TMTC2: variants seen among roughly 807,000 people sequenced by gnomAD.
TMTC2 encodes transmembrane O-mannosyltransferase targeting cadherins 2, also known as protein O-mannosyl-transferase TMTC2.
A neutral mutation model predicts 82.4 loss-of-function variants in TMTC2; 43 were observed. That is an observed-to-expected ratio of 0.52 (90% CI 0.41 to 0.67). The LOEUF is 0.67. Ranked by LOEUF, TMTC2 falls within the 30% of genes least tolerant of loss-of-function variation. The probability of loss-of-function intolerance (pLI) is 0.00; values close to 1 mark genes in which losing one functional copy is unlikely to be tolerated. For synonymous variants in TMTC2, 408 were observed against 381.9 expected (o/e 1.07, Z -0.80); for missense variants, 919 against 1,012.4 (o/e 0.91, Z 1.25).
At position 82,908,802 on chromosome 12, in the gene TMTC2, C is replaced by CT. The variant is rs532056086; in HGVS notation, c.1483+12165dup. On this transcript the variant is annotated intron_variant, in intron 3 of 11. Transcript: ENST00000321196. Reference sequence around the variant, plus strand: ...CATAATGTTTTGGTTATAGATGACTCTTTTTTTTTCCTGTTGATTTAATTT... The same window carrying CT: ...CATAATGTTTTGGTTATAGATGACTCTTTTTTTTTTCCTGTTGATTTAATTT... 2.8e-3 allele frequency among the ~76,000 whole-genome samples: 416 copies of CT among 151,258 alleles called. 3 individuals carry two copies. The highest frequency in any genetic ancestry group is 2.5e-3 in the Non-Finnish European group (167 of 67,744).
chr12:82,989,228 A>G (rs963618095), intron 8 of TMTC2, among the ~76,000 whole-genome samples: 3 of 152,090 alleles, frequency 2.0e-5, no homozygotes, highest in African/African-American at 7.2e-5. Flanking sequence ...ATGAGGACAT[A>G]AAAGAATGTA....
intron 2 of TMTC2, among the ~76,000 whole-genome samples, chr12:82,884,282 T>G (rs889089516): frequency 6.6e-6 from 1 of 152,202 alleles, no homozygotes; most frequent in Non-Finnish European, 1.5e-5. Context: ...AGAGGCATCC[T>G]TTCTTGATAC....
At chr12:82,986,841 A>G (rs943380144) in intron 8 of TMTC2, among the ~76,000 whole-genome samples, 1 of 152,230 alleles carries the variant, frequency 6.6e-6, no homozygotes, top group Admixed American at 6.5e-5. Flanking sequence ...TTTATTTTAC[A>G]CAATAGTGAA....
chr12:82,787,804 G>A (rs1420019844), intron 1 of TMTC2, among the ~76,000 whole-genome samples: 2 of 152,008 alleles, frequency 1.3e-5, no homozygotes, highest in African/African-American at 4.8e-5. Flanking sequence ...CCAGCTACTT[G>A]GGAGGCTGAG....
At chr12:82,700,860 C>T (rs1215551036) in intron 1 of TMTC2, among the ~76,000 whole-genome samples, 2 of 152,120 alleles carry the variant, frequency 1.3e-5, no homozygotes, top group African/African-American at 4.8e-5. Context: ...CACAGTTCAA[C>T]ATGGCTGGGG....
At chr12:83,064,180 C>T (rs1882841160) in intron 11 of TMTC2, among the ~76,000 whole-genome samples, 1 of 151,732 alleles carries the variant, frequency 6.6e-6, no homozygotes, top group South Asian at 2.1e-4. Flanking sequence ...CAGCATATTA[C>T]AATGGATTCT....
At chr12:82,980,980 T>A (rs1423448094) in intron 7 of TMTC2, among the ~76,000 whole-genome samples, 4 of 151,912 alleles carry the variant, frequency 2.6e-5, no homozygotes, top group African/African-American at 9.7e-5. Flanking sequence ...TGGGGAACAC[T>A]GATAAATTAT....
intron 1 of TMTC2, among the ~76,000 whole-genome samples, chr12:82,743,847 G>A (rs561256022): frequency 2.9e-4 from 44 of 152,162 alleles, no homozygotes; most frequent in Non-Finnish European, 4.1e-4. Flanking sequence ...CTAATGCATC[G>A]TGACTTATCT....
At chr12:82,932,714 G>A (rs995629769) in intron 4 of TMTC2, among the ~76,000 whole-genome samples, 1 of 152,014 alleles carries the variant, frequency 6.6e-6, no homozygotes, top group East Asian at 1.9e-4. Flanking sequence ...TTCTGGTTCC[G>A]ATCCTTCATA....
chr12:83,114,565 G>A (rs531299540), intron 11 of TMTC2, among the ~76,000 whole-genome samples: 9 of 151,902 alleles, frequency 5.9e-5, no homozygotes, highest in African/African-American at 2.2e-4. Flanking sequence ...CCTCATTTCC[G>A]TGATTTTTAA....
intron 4 of TMTC2, among the ~76,000 whole-genome samples, chr12:82,960,304 A>T (rs960054295): frequency 3.9e-5 from 6 of 152,138 alleles, no homozygotes; most frequent in Middle Eastern, 3.2e-3. Flanking sequence ...AAAATAACTC[A>T]TTCAATCAAA....
intron 1 of TMTC2, among the ~76,000 whole-genome samples, chr12:82,696,835 AT>A (rs1399066729): frequency 6.6e-6 from 1 of 152,014 alleles, no homozygotes; most frequent in Non-Finnish European, 1.5e-5. Context: ...CATATGGACA[AT>A]TGACTTTTTA....
At chr12:82,785,719 C>G (rs1878147622) in intron 1 of TMTC2, among the ~76,000 whole-genome samples, 1 of 152,204 alleles carries the variant, frequency 6.6e-6, no homozygotes, top group African/African-American at 2.4e-5. Context: ...CTTTCACTGT[C>G]TAACCTGATT....
intron 1 of TMTC2, among the ~76,000 whole-genome samples, chr12:82,804,426 C>G (rs573582750): frequency 6.6e-6 from 1 of 152,126 alleles, no homozygotes; most frequent in East Asian, 1.9e-4. Context: ...TACCTAGAAA[C>G]TTTTTCTGAA....
At chr12:82,893,803 A>G (rs1013892475) in intron 2 of TMTC2, among the ~76,000 whole-genome samples, 4 of 152,222 alleles carry the variant, frequency 2.6e-5, no homozygotes, top group Admixed American at 1.3e-4. Flanking sequence ...TTAGAGATAG[A>G]AAAACTTCTA....
rs376509759 is a variant in TMTC2, at chr12:83,068,699, T to A, written c.2331+6868T>A. On this transcript the variant is annotated intron_variant, in intron 11 of 11. Coordinates refer to ENST00000321196, the MANE Select transcript of TMTC2 (RefSeq NM_152588.3). ...TCAGTTACAAATACATCCATATATT[T>A]TGTTTATTTTTTTATTTATTATTTA... Among the ~76,000 whole-genome samples the A allele has an allele frequency of 7.9e-4, 121 of 152,260 alleles. 3 individuals carry two copies. In the South Asian group the frequency reaches 0.024, roughly 31 times the overall value.
At chr12:82,842,997 C>G (rs1171271640) in intron 1 of TMTC2, among the ~76,000 whole-genome samples, 1 of 152,154 alleles carries the variant, frequency 6.6e-6, no homozygotes, top group East Asian at 1.9e-4. Context: ...GGACATGGCA[C>G]AGTGTGTGTG....
intron 1 of TMTC2, among the ~76,000 whole-genome samples, chr12:82,710,990 T>C (rs897907481): frequency 6.6e-6 from 1 of 152,182 alleles, no homozygotes; most frequent in East Asian, 1.9e-4. Context: ...TGGACAGATA[T>C]TATGTATTTT....
chr12:83,003,416 T>C (rs1230248801), intron 8 of TMTC2, among the ~76,000 whole-genome samples: 1 of 152,124 alleles, frequency 6.6e-6, no homozygotes, highest in East Asian at 1.9e-4. Flanking sequence ...ATCATTTACA[T>C]TCAGGATTAA....
Sources: allele counts gnomAD v4.1 joint callset (sites outside exome capture counted in the v4.1 genomes callset), GRCh38; gene constraint gnomAD v4.1.1; transcripts MANE v1.5; gene names NCBI Gene and HGNC (gene_info 2026-07-23, HGNC 2026-07-21).